The following GLRA1 variants were observed in gnomAD, a reference collection of about 807,000 sequenced individuals.
The protein encoded by GLRA1 is glycine receptor alpha 1.
GLRA1 carries 37 observed loss-of-function variants against 48.3 expected under a neutral mutation model. The ratio of observed to expected loss-of-function variants is 0.77; its 90% CI spans 0.59 to 1.01. The LOEUF is 1.01. GLRA1 is among the 50% of genes least tolerant of loss of function. The pLI is 0.00. For synonymous variants in GLRA1, 196 were observed against 210.7 expected (o/e 0.93, Z 0.60); for missense variants, 427 against 571.0 (o/e 0.75, Z 2.57).
intron 3 of GLRA1, among the ~76,000 whole-genome samples, chr5:151,886,398 G>C (rs1008659999): frequency 6.6e-6 from 1 of 152,176 alleles, no homozygotes; most frequent in East Asian, 1.9e-4. Context: ...CCATTCTGCA[G>C]TTGAATGTTA....
chr5:151,857,363 T>C lies in GLRA1; in HGVS notation c.477-980A>G, dbSNP rs977310325. On this transcript the variant is annotated intron_variant, in intron 4 of 8. Coordinates refer to ENST00000274576, the MANE Select transcript of GLRA1 (RefSeq NM_000171.4). The stretch of plus-strand genomic sequence containing the variant: ...CACAGTCAGGGAACTTCTGGGTTTT[T>C]TGGAGTCTTTCTGGCCTCTGGAGAC... 1.4e-4 allele frequency among the ~76,000 whole-genome samples: 22 copies of C among 152,316 alleles called. No individual in the cohort carries two copies. In the East Asian group the frequency reaches 4.1e-3, roughly 28 times the overall value.
chr5:151,924,795 G>A lies in GLRA1; in HGVS notation c.-246C>T, dbSNP rs1262754949. Reference sequence around the variant, plus strand: ...GCGTCCAGACCTGCTTTTCAGGAGCGCGAAGAGTATTGCTGTTTGTTAAAC... The same window carrying A: ...GCGTCCAGACCTGCTTTTCAGGAGCACGAAGAGTATTGCTGTTTGTTAAAC... On this transcript the variant is annotated 5_prime_UTR_variant, in exon 1 of 9. Coordinates refer to ENST00000274576, the MANE Select transcript of GLRA1 (RefSeq NM_000171.4). 1.7e-6 allele frequency: 1 copy of A among 597,800 alleles called. No homozygotes were observed. The highest frequency in any genetic ancestry group is 3.0e-6 in the Non-Finnish European group (1 of 334,912). 37.0% of individuals were successfully genotyped at this position (597,800 alleles called of 1,614,324 possible).
intron 1 of GLRA1, among the ~76,000 whole-genome samples, chr5:151,916,154 CA>C (rs1754735665): frequency 6.6e-6 from 1 of 152,182 alleles, no homozygotes; most frequent in Non-Finnish European, 1.5e-5. Context: ...AGAATAACAG[CA>C]TGGTTACCTG....
intron 7 of GLRA1, among the ~76,000 whole-genome samples, chr5:151,849,217 T>TTCCTTCCTACCTTC (rs1561554717): frequency 1.6e-5 from 1 of 62,930 alleles, no homozygotes; most frequent in African/African-American, 6.9e-5. Flanking sequence ...TTCCTTCCTT[T>TTCCTTCCTACCTTC]CTTCCTTCCT....
chr5:151,883,890 C>T (rs1179351256), intron 3 of GLRA1, among the ~76,000 whole-genome samples: 1 of 151,970 alleles, frequency 6.6e-6, no homozygotes, highest in African/African-American at 2.4e-5. Context: ...AAGCAAAATG[C>T]AGCAGAAGTG....
Position 151,859,793 on chromosome 5 carries a change from G to A in GLRA1, c.468C>T (p.Tyr156=), listed in dbSNP as rs2113358884. Residue 156 remains tyrosine, a synonymous_variant, in exon 4 of 9, where the codon TAC becomes TAT. Transcript: ENST00000274576. ...LRISRNGNVL[Y]SIRITLTLAC... ...ACCTGGTCAGAACTCACCTGATGCT[G>A]TAGAGGACATTCCCATTCCGGGAGA... 3 of 1,609,136 alleles carry A rather than the reference G, an allele frequency of 1.9e-6. No homozygotes were observed. Among genetic ancestry groups the A allele is most frequent in the Non-Finnish European group, 2.6e-6 (3 of 1,175,446 alleles).
chr5:151,916,001 A>G (rs1413102749), intron 1 of GLRA1, among the ~76,000 whole-genome samples: 1 of 152,086 alleles, frequency 6.6e-6, no homozygotes, highest in Non-Finnish European at 1.5e-5. Flanking sequence ...ATCCATTGGT[A>G]GAGGGGGAGG....
At position 151,828,971 on chromosome 5, in the gene GLRA1, G is replaced by A. The variant is rs746998896; in HGVS notation, c.1009C>T (p.Arg337Trp). The change falls in exon 8 of 9, where the codon CGG (arginine) becomes TGG (tryptophan). Residue 337 changes from arginine (R) to tryptophan (W), a missense_variant. This residue lies in a region of GLRA1 where 271 missense variants were observed against 434.9 expected (regional missense o/e 0.62). Transcript: ENST00000274576. ...AATCGGAGCAGCTCCTTATGTTGCCGAGACACAAAGTTAACGGCAGCATAT... is the reference window on the plus strand; with the variant it reads ...AATCGGAGCAGCTCCTTATGTTGCCAAGACACAAAGTTAACGGCAGCATAT... ...LEYAAVNFVS[R>W]QHKELLRFRR... The A allele has an allele frequency of 2.5e-6, 4 of 1,614,084 alleles. No individual in the cohort carries two copies. Among genetic ancestry groups the A allele is most frequent in the Non-Finnish European group, 2.5e-6 (3 of 1,179,984 alleles).
At chr5:151,905,598 G>C (rs1158098393) in intron 1 of GLRA1, among the ~76,000 whole-genome samples, 2 of 152,110 alleles carry the variant, frequency 1.3e-5, no homozygotes, top group Non-Finnish European at 2.9e-5. Context: ...CTGAGTCAAA[G>C]CTAGAAATAT....
At chr5:151,874,321 G>A (rs2913886) in intron 3 of GLRA1, among the ~76,000 whole-genome samples, 129,997 of 152,212 alleles carry the variant, frequency 0.85, 55,675 homozygotes, top group East Asian at 0.99. Flanking sequence ...CGGGTTCAAT[G>A]GAAACCCAAA....
intron 1 of GLRA1, among the ~76,000 whole-genome samples, chr5:151,913,179 T>C (rs111764233): frequency 0.016 from 2,396 of 152,324 alleles, 195 homozygotes; most frequent in Admixed American, 0.12. Context: ...TTCGTGTATC[T>C]ATCAGTGAAG....
chr5:151,918,106 C>A (rs148996583), intron 1 of GLRA1, among the ~76,000 whole-genome samples: 36 of 152,240 alleles, frequency 2.4e-4, no homozygotes, highest in African/African-American at 8.4e-4. Flanking sequence ...ACAAAGGGAT[C>A]CTTTGTAAGG....
intron 2 of GLRA1, 76 bp downstream of exon 2, chr5:151,892,235 G>A (rs764849417): frequency 1.4e-5 from 18 of 1,319,522 alleles, no homozygotes; most frequent in South Asian, 1.3e-4. Context: ...TACCATCTGC[G>A]TGCATTACCA....
Position 151,822,578 on chromosome 5 carries a change from C to T in GLRA1, c.*95G>A. On this transcript the variant is annotated 3_prime_UTR_variant, in exon 9 of 9. Transcript: ENST00000274576. ...GCAGAGAGAGTTGTGTAAGTGTGCCCCCTCCCTCCGTTCCCCTTCTCTTCC... is the reference window on the plus strand; with the variant it reads ...GCAGAGAGAGTTGTGTAAGTGTGCCTCCTCCCTCCGTTCCCCTTCTCTTCC... 1.2e-6 allele frequency: 1 copy of T among 863,170 alleles called. No individual in the cohort carries two copies. The highest frequency in any genetic ancestry group is 2.0e-6 in the Non-Finnish European group (1 of 503,976). The allele number at this position is 863,170 out of a possible 1,614,324, so 53.5% of individuals were successfully genotyped here. A position where few individuals can be genotyped will look rare whatever the true frequency, so the allele number is the denominator to read the frequency against.
intron 3 of GLRA1, among the ~76,000 whole-genome samples, chr5:151,875,131 C>T (rs1171915680): frequency 6.6e-6 from 1 of 152,064 alleles, no homozygotes; most frequent in African/African-American, 2.4e-5. Flanking sequence ...GACTAAATGA[C>T]TGCTCCCTAG....
intron 1 of GLRA1, among the ~76,000 whole-genome samples, chr5:151,895,584 T>C (rs1250081547): frequency 6.6e-6 from 1 of 151,946 alleles, no homozygotes; most frequent in Admixed American, 6.6e-5. Context: ...TAGCAAGCAC[T>C]CAATACATTG....
chr5:151,867,854 T>C lies in GLRA1; in HGVS notation c.253-7846A>G, dbSNP rs147874996. On this transcript the variant is annotated intron_variant, in intron 3 of 8. Coordinates refer to ENST00000274576, the MANE Select transcript of GLRA1 (RefSeq NM_000171.4). The stretch of plus-strand genomic sequence containing the variant: ...ATCCTTAACTGCCAAACCAAGGTAT[T>C]TGGATTTTATTTGCTAGCCAATTTA... Among the ~76,000 whole-genome samples the C allele has an allele frequency of 2.9e-3, 447 of 152,316 alleles. 3 individuals carry two copies. Among genetic ancestry groups the C allele is most frequent in the African/African-American group, 0.01 (436 of 41,572 alleles).
intron 2 of GLRA1, among the ~76,000 whole-genome samples, chr5:151,890,867 A>G (rs1339416098): frequency 6.6e-6 from 1 of 152,176 alleles, no homozygotes; most frequent in Non-Finnish European, 1.5e-5. Context: ...GCTGGAAGCT[A>G]TGGCCTCAGG....
intron 3 of GLRA1, among the ~76,000 whole-genome samples, chr5:151,862,999 G>T (rs1179454031): frequency 6.6e-6 from 1 of 152,190 alleles, no homozygotes; most frequent in Non-Finnish European, 1.5e-5. Flanking sequence ...TGATCCTAGA[G>T]GAACTGAAAG....
Sources: allele counts gnomAD v4.1 joint callset (sites outside exome capture counted in the v4.1 genomes callset), GRCh38; gene constraint gnomAD v4.1.1; regional missense constraint gnomAD v4.1.1; transcripts MANE v1.5; gene names NCBI Gene and HGNC (gene_info 2026-07-23, HGNC 2026-07-21).